GRK7: variants seen among roughly 807,000 people sequenced by gnomAD.
The protein encoded by GRK7 is rhodopsin kinase GRK7.
A neutral mutation model predicts 34.1 loss-of-function variants in GRK7; 24 were observed. The ratio of observed to expected loss-of-function variants is 0.70; its 90% CI spans 0.51 to 0.99. GRK7 has a LOEUF of 0.99. Among genes scored for constraint, GRK7 ranks in the 50% least tolerant of loss-of-function variants. The probability of loss-of-function intolerance (pLI) is 0.00; values close to 1 mark genes in which losing one functional copy is unlikely to be tolerated. For synonymous variants in GRK7, 256 were observed against 279.4 expected, an observed-to-expected ratio of 0.92 and a Z score of 0.84; for missense variants, 644 against 707.3, an observed-to-expected ratio of 0.91 and a Z score of 1.02.
chr3:141,791,732 C>T lies in GRK7; in HGVS notation c.1050+10921C>T, dbSNP rs114250496. Among the ~76,000 whole-genome samples, 639 of 152,028 alleles carry T rather than the reference C, an allele frequency of 4.2e-3. 7 individuals are homozygous for T. Among genetic ancestry groups the T allele is most frequent in the African/African-American group, 0.015 (625 of 41,500 alleles). ...CTAAATATGAGGGATAGCCAGGTGC[C>T]GTGGCTCATGCCTGTAATCCCAGCA... On this transcript the variant is annotated intron_variant, in intron 4 of 5. Coordinates refer to ENST00000682958, the MANE Select transcript of GRK7 (RefSeq NM_139209.3).
upstream of GRK7, among the ~76,000 whole-genome samples, chr3:141,760,573 G>GA (rs2084551089): frequency 2.7e-5 from 4 of 147,922 alleles, no homozygotes; most frequent in South Asian, 4.5e-4. Context: ...GTGTGGTGCT[G>GA]AAAAAAATGT....
rs1156392455 is a variant in GRK7, at chr3:141,807,912, G to C, written c.1318G>C (p.Gly440Arg). The change falls in exon 5 of 6, where the codon GGA becomes CGA. Residue 440 changes from glycine (G) to arginine (R), a missense_variant. Transcript: ENST00000682958. ...FLAKKPEQRL[G>R]SREKSDDPRK... ...GGCTAAGAAACCAGAGCAACGCTTA[G>C]GAAGCAGGTAAACTAGCATGTAACA... 1.9e-6 allele frequency: 3 copies of C among 1,582,878 alleles called. No individual in the cohort carries two copies. The East Asian group carries it at 6.7e-5, about 35-fold the overall frequency.
chr3:141,797,255 G>A (rs755388502), intron 4 of GRK7, among the ~76,000 whole-genome samples: 5 of 152,218 alleles, frequency 3.3e-5, no homozygotes, highest in Non-Finnish European at 7.3e-5. Context: ...GGAAGTGGCG[G>A]CAGAAAGCGA....
chr3:141,788,039 C>T (rs2084705057), intron 4 of GRK7, among the ~76,000 whole-genome samples: 1 of 151,982 alleles, frequency 6.6e-6, no homozygotes, highest in Non-Finnish European at 1.5e-5. Flanking sequence ...AAAACGAGAA[C>T]AAAAACAAAT....
the GRK7 span, among the ~76,000 whole-genome samples, chr3:141,753,608 T>C: frequency 1.3e-5 from 2 of 152,328 alleles, no homozygotes; most frequent in South Asian, 4.1e-4. Context: ...GCAGTACTGC[T>C]TGCTCGCTGC....
rs909450395 is a variant in GRK7, at chr3:141,819,252, G to A, written c.*2202G>A. Reference sequence around the variant, plus strand: ...TTGATTATGCCTTAAAGCTGGCAGAGGGACAAATGCAAACTAATAATTAAA... The same window carrying A: ...TTGATTATGCCTTAAAGCTGGCAGAAGGACAAATGCAAACTAATAATTAAA... On this transcript the variant is annotated 3_prime_UTR_variant, in exon 6 of 6. Transcript: ENST00000682958. 2.0e-5 allele frequency among the ~76,000 whole-genome samples: 3 copies of A among 152,108 alleles called. No homozygotes were observed. Among genetic ancestry groups the A allele is most frequent in the African/African-American group, 7.2e-5 (3 of 41,400 alleles).
intron 4 of GRK7, among the ~76,000 whole-genome samples, chr3:141,789,663 A>AAAAAAAAAAAAAAAAAAAAAC (rs796539386): frequency 8.9e-5 from 13 of 146,854 alleles, no homozygotes; most frequent in Middle Eastern, 3.6e-3. Context: ...GGGCAAAAAA[A>AAAAAAAAAAAAAAAAAAAAAC]AAAAAAACAC....
chr3:141,775,304 T>C (rs1376885822), intron 2 of GRK7, among the ~76,000 whole-genome samples: 1 of 151,924 alleles, frequency 6.6e-6, no homozygotes, highest in Non-Finnish European at 1.5e-5. Flanking sequence ...GGAGACTCGC[T>C]TGAGCCCAGG....
At chr3:141,752,448 A>G in the GRK7 span, among the ~76,000 whole-genome samples, 1 of 152,204 alleles carries the variant, frequency 6.6e-6, no homozygotes, top group Admixed American at 6.5e-5. Context: ...GCCCCACAAC[A>G]AAGAACTGTC....
intron 4 of GRK7, among the ~76,000 whole-genome samples, chr3:141,790,563 AC>A (rs1272541148): frequency 9.9e-6 from 1 of 101,056 alleles, no homozygotes; most frequent in Non-Finnish European, 1.9e-5. Context: ...GTCTACATGC[AC>A]TTTTTTTTTT....
intron 3 of GRK7, 81 bp from the exon 4 acceptor site, chr3:141,780,293 C>T (rs1264449409): frequency 2.5e-6 from 3 of 1,199,732 alleles, no homozygotes; most frequent in Non-Finnish European, 3.5e-6. Context: ...ATCTTTCCAC[C>T]CACCTCCTCC....
upstream of GRK7, among the ~76,000 whole-genome samples, chr3:141,759,561 T>C (rs879706325): frequency 3.0e-3 from 420 of 137,988 alleles, 1 homozygote; most frequent in Non-Finnish European, 5.5e-3. Context: ...GGTTTGCCAG[T>C]ATTTTATTGA....
chr3:141,813,773 A>T (rs1711120277), intron 5 of GRK7, among the ~76,000 whole-genome samples: 1 of 152,162 alleles, frequency 6.6e-6, no homozygotes, highest in South Asian at 2.1e-4. Flanking sequence ...TTAATTATAC[A>T]TTTTCCTTTG....
Position 141,764,917 on chromosome 3 carries a change from A to G in GRK7, c.-1036A>G, listed in dbSNP as rs1417434744. On this transcript the variant is annotated 5_prime_UTR_variant, in exon 1 of 6. Coordinates refer to ENST00000682958, the MANE Select transcript of GRK7 (RefSeq NM_139209.3). Reference sequence around the variant, plus strand: ...CCCTTGCTCCTTTTCTGTCACACCCACAATCCATCCATAAGCAAACTATCT... The same window carrying G: ...CCCTTGCTCCTTTTCTGTCACACCCGCAATCCATCCATAAGCAAACTATCT... Among the ~76,000 whole-genome samples, 3 of 152,078 alleles carry G rather than the reference A, an allele frequency of 2.0e-5. No individual in the cohort carries two copies. The highest frequency in any genetic ancestry group is 4.8e-5 in the African/African-American group (2 of 41,404).
chr3:141,813,409 G>C (rs1417560224), intron 5 of GRK7, among the ~76,000 whole-genome samples: 1 of 152,216 alleles, frequency 6.6e-6, no homozygotes, highest in Non-Finnish European at 1.5e-5. Context: ...TTACAGGTGT[G>C]AGCCATGGTG....
At chr3:141,811,968 G>A (rs4683625) in intron 5 of GRK7, among the ~76,000 whole-genome samples, 120,442 of 152,206 alleles carry the variant, frequency 0.79, 48,558 homozygotes, top group African/African-American at 0.95. Flanking sequence ...AATAAAATAA[G>A]TGCTGAAGAC....
At position 141,818,757 on chromosome 3, in the gene GRK7, G is replaced by GT; in HGVS notation, c.*1711dup. ...AAACCTGGCTGAAGTCAGTTTAAAA[G>GT]TTTTGTCCCTTGAGTTAAGGATTCA... On this transcript the variant is annotated 3_prime_UTR_variant, in exon 6 of 6. Transcript: ENST00000682958. Among the ~76,000 whole-genome samples the GT allele has an allele frequency of 6.6e-6, 1 of 152,302 alleles. No individual in the cohort carries two copies.
chr3:141,784,390 C>G (rs1450990706), intron 4 of GRK7, among the ~76,000 whole-genome samples: 2 of 152,180 alleles, frequency 1.3e-5, no homozygotes, highest in Non-Finnish European at 1.5e-5. Flanking sequence ...AAGTTTTATG[C>G]CCCAGTTTCC....
At chr3:141,813,027 G>T (rs1711108616) in intron 5 of GRK7, among the ~76,000 whole-genome samples, 1 of 152,108 alleles carries the variant, frequency 6.6e-6, no homozygotes, top group South Asian at 2.1e-4. Context: ...CTATCCTTCT[G>T]CCATGTTTAA....
Sources: allele counts gnomAD v4.1 joint callset (sites outside exome capture counted in the v4.1 genomes callset), GRCh38; gene constraint gnomAD v4.1.1; transcripts MANE v1.5; gene names NCBI Gene and HGNC (gene_info 2026-07-23, HGNC 2026-07-21).